C4orf50: variants seen among roughly 807,000 people sequenced by gnomAD.
The protein encoded by C4orf50 is chromosome 4 open reading frame 50, also known as uncharacterized protein C4orf50.
In C4orf50, 80 loss-of-function variants were observed where a neutral mutation model predicts 77.2. That is an observed-to-expected ratio of 1.04 (90% confidence interval 0.87 to 1.25). The LOEUF is 1.25. Ranked by LOEUF, C4orf50 falls within the 50% of genes most tolerant of loss-of-function variation. C4orf50 has a pLI of 0.00. For missense variants in C4orf50, 1,257 were observed against 1,152.9 expected (o/e 1.09, Z -1.31); for synonymous variants, 532 against 465.3 (o/e 1.14, Z -1.84).
chr4:5,975,390 G>A (rs1027162808), intron 30 of C4orf50, among the ~76,000 whole-genome samples: 4 of 152,114 alleles, frequency 2.6e-5, no homozygotes, highest in African/African-American at 7.2e-5. Context: ...TATACGCATC[G>A]TAGGCTCTCA....
chr4:5,906,050 C>G (rs544791004), intron 7 of C4orf50, among the ~76,000 whole-genome samples: 2 of 152,166 alleles, frequency 1.3e-5, no homozygotes, highest in South Asian at 4.2e-4. Flanking sequence ...GAGGCGCGGA[C>G]AGCAAGAGTT....
intron 7 of C4orf50, among the ~76,000 whole-genome samples, chr4:5,947,927 G>A (rs1376910497): frequency 6.6e-6 from 1 of 152,194 alleles, no homozygotes; most frequent in Non-Finnish European, 1.5e-5. Flanking sequence ...GAGATCAGAC[G>A]CATCCAGATG....
At chr4:5,946,574 G>C (rs1289896201) in intron 7 of C4orf50, among the ~76,000 whole-genome samples, 2 of 152,180 alleles carry the variant, frequency 1.3e-5, no homozygotes, top group Admixed American at 6.5e-5. Context: ...CCAGCTTGCA[G>C]CCTATGCCCC....
chr4:5,931,922 C>A (rs2108745296), intron 7 of C4orf50, among the ~76,000 whole-genome samples: 1 of 152,214 alleles, frequency 6.6e-6, no homozygotes, highest in Admixed American at 6.5e-5. Context: ...GAAGCCGAGG[C>A]TGGAAAGGGG....
intron 7 of C4orf50, among the ~76,000 whole-genome samples, chr4:5,936,647 G>C (rs1014459370): frequency 2.2e-4 from 14 of 62,754 alleles, no homozygotes; most frequent in Admixed American, 5.2e-4. Flanking sequence ...GGAAAAAATT[G>C]AGTCAGTCTA....
At chr4:6,004,026 T>TAGTGATGATGGTGATGATGGTGATGATG (rs1560598315) in intron 25 of C4orf50, among the ~76,000 whole-genome samples, 93 of 13,598 alleles carry the variant, frequency 6.8e-3, no homozygotes, top group Non-Finnish European at 8.0e-3. Context: ...ATGGTGATAA[T>TAGTGATGATGGTGATGATGGTGATGATG]GTGATAGTGA....
At chr4:5,974,324 T>C (rs1720123463) in intron 30 of C4orf50, among the ~76,000 whole-genome samples, 1 of 152,190 alleles carries the variant, frequency 6.6e-6, no homozygotes, top group Non-Finnish European at 1.5e-5. Context: ...CAGCAAATGA[T>C]GGTGATGAGA....
intron 7 of C4orf50, among the ~76,000 whole-genome samples, chr4:5,926,368 C>T (rs1346974833): frequency 3.9e-5 from 6 of 152,130 alleles, no homozygotes; most frequent in Non-Finnish European, 7.3e-5. Context: ...TCTCTTCCCA[C>T]GAAGGGCCCA....
intron 7 of C4orf50, chr4:5,899,683 G>A (rs920275792): frequency 2.0e-5 from 3 of 152,200 alleles, no homozygotes; most frequent in Non-Finnish European, 4.4e-5. Context: ...AATAGCACAG[G>A]GAATGGGGGA....
intron 31 of C4orf50, among the ~76,000 whole-genome samples, chr4:5,971,362 G>C (rs1199988974): frequency 6.6e-6 from 1 of 152,230 alleles, no homozygotes; most frequent in Non-Finnish European, 1.5e-5. Flanking sequence ...TCAAGATGCA[G>C]ACACCCTGCC....
In C4orf50 at chr4:5,970,344, C is replaced by T. The variant is rs893861161; in HGVS notation, c.4105-2882G>A. 1.2e-4 allele frequency among the ~76,000 whole-genome samples: 18 copies of T among 152,118 alleles called. No homozygotes were observed. The highest frequency in any genetic ancestry group is 2.1e-4 in the South Asian group (1 of 4,818). On this transcript the variant is annotated intron_variant, in intron 31 of 33. Transcript: ENST00000531445. The surrounding 1 kb of genome is among the most constrained non-coding windows in gnomAD (Gnocchi z 4.3). Reference sequence around the variant, plus strand: ...CCATCTCCAGCTAACATCAGGGAGGCGGCAAGACCCGTGTTCCCAGCAGAA... The same window carrying T: ...CCATCTCCAGCTAACATCAGGGAGGTGGCAAGACCCGTGTTCCCAGCAGAA...
exon 8 of C4orf50, chr4:5,897,690 A>T (rs1051497845): frequency 6.6e-6 from 1 of 152,262 alleles, no homozygotes; most frequent in African/African-American, 2.4e-5. Flanking sequence ...ACATCTCAGT[A>T]ACAAGAGAAA....
At chr4:5,943,479 G>A (rs114142013) in intron 7 of C4orf50, among the ~76,000 whole-genome samples, 3,070 of 152,278 alleles carry the variant, frequency 0.02, 95 homozygotes, top group African/African-American at 0.071. Flanking sequence ...GGGGATCAGA[G>A]GAAAACCAGC....
chr4:5,940,727 G>C (rs1160227225), intron 7 of C4orf50, among the ~76,000 whole-genome samples: 1 of 152,200 alleles, frequency 6.6e-6, no homozygotes, highest in Non-Finnish European at 1.5e-5. Flanking sequence ...CACATGCTTA[G>C]ACCAATAGAA....
intron 27 of C4orf50, among the ~76,000 whole-genome samples, chr4:5,991,744 T>C (rs1721308321): frequency 6.6e-6 from 1 of 151,994 alleles, no homozygotes; most frequent in Admixed American, 6.5e-5. Context: ...AGAGGGAGCA[T>C]CTCAAAGGAC....
At chr4:5,959,426 G>T in exon 34 of C4orf50, 1 of 1,614,210 alleles carries the variant, frequency 6.2e-7, no homozygotes, top group Non-Finnish European at 8.5e-7. Context: ...TGCTGCAAAT[G>T]CTTTGTCTAA....
At chr4:5,906,046 C>T (rs575952974) in intron 7 of C4orf50, among the ~76,000 whole-genome samples, 12 of 152,198 alleles carry the variant, frequency 7.9e-5, no homozygotes, top group African/African-American at 2.2e-4. Flanking sequence ...AGTGGAGGCG[C>T]GGACAGCAAG....
chr4:5,898,474 G>A (rs1435415372), intron 7 of C4orf50: 1 of 152,230 alleles, frequency 6.6e-6, no homozygotes, highest in Non-Finnish European at 1.5e-5. Flanking sequence ...AGGACTTTGA[G>A]GTTAAGAGAG....
At chr4:5,959,654 C>T in intron 33 of C4orf50, 28 bp from the exon 12 acceptor site, 2 of 1,596,254 alleles carry the variant, frequency 1.3e-6, no homozygotes, top group Middle Eastern at 1.7e-4. Context: ...ATGAAATGGT[C>T]TCTGCGTCCA....
Sources: allele counts gnomAD v4.1 joint callset (sites outside exome capture counted in the v4.1 genomes callset), GRCh38; gene constraint gnomAD v4.1.1; non-coding constraint Gnocchi (gnomAD v3.1); transcripts MANE v1.5; gene names NCBI Gene and HGNC (gene_info 2026-07-23, HGNC 2026-07-21).